The following ADAMTS18 variants were observed in gnomAD, a reference collection of about 807,000 sequenced individuals.
ADAMTS18 encodes ADAM metallopeptidase with thrombospondin type 1 motif 18, also known as A disintegrin and metalloproteinase with thrombospondin motifs 18.
Under a neutral mutation model 165.9 loss-of-function variants are expected in ADAMTS18, and 157 were observed. That is an observed-to-expected ratio of 0.95 (90% CI 0.83 to 1.08). The LOEUF (loss-of-function observed/expected upper bound fraction) is 1.08, where lower values mean the gene tolerates loss of function less well. Among genes scored for constraint, ADAMTS18 ranks in the 50% least tolerant of loss-of-function variants. The pLI, the probability that ADAMTS18 is intolerant of heterozygous loss-of-function variation, is 0.00. For synonymous variants in ADAMTS18, 782 were observed against 578.2 expected (o/e 1.35, Z -5.06); for missense variants, 2,040 against 1,534.0 (o/e 1.33, Z -5.51).
intron 3 of ADAMTS18, among the ~76,000 whole-genome samples, chr16:77,369,741 C>T (rs76900818): frequency 0.011 from 1,701 of 152,284 alleles, 42 homozygotes; most frequent in African/African-American, 0.039. Flanking sequence ...CAAACTCATT[C>T]TACATGGCCT....
At chr16:77,301,671 C>A (rs2144594994) in intron 16 of ADAMTS18, among the ~76,000 whole-genome samples, 1 of 152,282 alleles carries the variant, frequency 6.6e-6, no homozygotes. Context: ...TGTTCAAGGC[C>A]CTTCATTTCA....
At chr16:77,356,367 G>C (rs573870768) in intron 8 of ADAMTS18, among the ~76,000 whole-genome samples, 3 of 152,292 alleles carry the variant, frequency 2.0e-5, no homozygotes, top group African/African-American at 7.2e-5. Flanking sequence ...TAAAATTTAG[G>C]TATAAGCTAA....
chr16:77,430,910 GCATTGAAATACAGTTTTCC>G (rs2057730717), intron 3 of ADAMTS18, among the ~76,000 whole-genome samples: 2 of 152,112 alleles, frequency 1.3e-5, no homozygotes, highest in South Asian at 4.2e-4. Flanking sequence ...ATGCAATTTC[GCATTGAAATACAGTTTTCC>G]CATTTCAAAG....
chr16:77,343,676 G>C (rs912016581), intron 10 of ADAMTS18, among the ~76,000 whole-genome samples: 9 of 152,168 alleles, frequency 5.9e-5, no homozygotes, highest in Non-Finnish European at 1.5e-5. Flanking sequence ...ATTTGCCACT[G>C]ATGGATATTG....
intron 3 of ADAMTS18, chr16:77,379,006 C>G (rs2056993630): frequency 6.6e-6 from 1 of 152,064 alleles, no homozygotes. Flanking sequence ...TGATGAAATT[C>G]TTACAGAAGT....
At chr16:77,314,753 C>CATATATATATATATATATATATGT (rs2055852255) in intron 16 of ADAMTS18, among the ~76,000 whole-genome samples, 1 of 36,902 alleles carries the variant, frequency 2.7e-5, no homozygotes, top group African/African-American at 1.1e-4. Context: ...TCTCAGGTTT[C>CATATATATATATATATATATATGT]ATATATATAT....
intron 12 of ADAMTS18, among the ~76,000 whole-genome samples, chr16:77,330,026 C>T (rs2056162029): frequency 6.6e-6 from 1 of 152,008 alleles, no homozygotes; most frequent in South Asian, 2.1e-4. Context: ...TATACAGATT[C>T]CTGAGGACCT....
Position 77,297,378 on chromosome 16 carries a change from T to C in ADAMTS18, c.2712A>G (p.Gln904=). Residue 904 remains glutamine, a synonymous_variant, in exon 18 of 23, where the codon CAA becomes CAG. Coordinates refer to ENST00000282849, the MANE Select transcript of ADAMTS18 (RefSeq NM_199355.4). The stretch of plus-strand genomic sequence containing the variant: ...AGAATGAGGAATTGACTTGAGTATT[T>C]TGATCTCGCAAGCAAATGGCCTTTA... ...INVKAICLRD[Q]NTQVNSSFCS... is the part of the protein sequence containing the mutation. The C allele has an allele frequency of 1.2e-6, 2 of 1,613,784 alleles. No individual in the cohort carries two copies. Among genetic ancestry groups the C allele is most frequent in the South Asian group, 2.2e-5 (2 of 91,072 alleles).
At chr16:77,301,864 C>T (rs2055589504) in intron 16 of ADAMTS18, among the ~76,000 whole-genome samples, 1 of 152,118 alleles carries the variant, frequency 6.6e-6, no homozygotes, top group African/African-American at 2.4e-5. Context: ...TGTGTTCCCC[C>T]ATCCAAAACC....
chr16:77,364,144 T>A, intron 5 of ADAMTS18, 44 bp downstream of exon 5: 1 of 1,611,802 alleles, frequency 6.2e-7, no homozygotes. Flanking sequence ...CCATGACATT[T>A]ATTTTCTTTG....
chr16:77,378,651 G>T (rs919934479), intron 3 of ADAMTS18, among the ~76,000 whole-genome samples: 1 of 152,088 alleles, frequency 6.6e-6, no homozygotes, highest in Non-Finnish European at 1.5e-5. Context: ...GGTGACGGAG[G>T]TTGCAGTGAG....
chr16:77,323,737 G>C (rs1486987003), intron 13 of ADAMTS18, among the ~76,000 whole-genome samples: 2 of 152,110 alleles, frequency 1.3e-5, no homozygotes, highest in African/African-American at 4.8e-5. Flanking sequence ...GTCATGGTCA[G>C]TCTCCTCTGA....
At chr16:77,353,958 T>C in intron 9 of ADAMTS18, 72 bp from the exon 10 acceptor site, 1 of 1,573,030 alleles carries the variant, frequency 6.4e-7, no homozygotes, top group South Asian at 1.1e-5. Flanking sequence ...AACACACTTC[T>C]GAATGCATTC....
intron 10 of ADAMTS18, among the ~76,000 whole-genome samples, chr16:77,348,765 T>A (rs2056513393): frequency 6.6e-6 from 1 of 152,122 alleles, no homozygotes; most frequent in Admixed American, 6.6e-5. Context: ...TTAAAATGTA[T>A]CACAAGTTTA....
intron 22 of ADAMTS18, among the ~76,000 whole-genome samples, chr16:77,286,081 T>C (rs556491706): frequency 1.5e-4 from 23 of 152,264 alleles, no homozygotes; most frequent in African/African-American, 5.3e-4. Flanking sequence ...TTTTCATGTA[T>C]TGCTTAACCA....
chr16:77,338,601 T>C (rs545555917), intron 11 of ADAMTS18, among the ~76,000 whole-genome samples: 10 of 152,174 alleles, frequency 6.6e-5, no homozygotes, highest in African/African-American at 2.4e-4. Context: ...TAGGCCATTA[T>C]CTTTTTATAG....
chr16:77,344,338 T>C (rs1171956401), intron 10 of ADAMTS18, among the ~76,000 whole-genome samples: 1 of 151,908 alleles, frequency 6.6e-6, no homozygotes, highest in African/African-American at 2.4e-5. Context: ...TAAGCTAGAA[T>C]ATATACATAT....
At chr16:77,351,908 A>G (rs1567505344) in intron 10 of ADAMTS18, among the ~76,000 whole-genome samples, 3 of 151,890 alleles carry the variant, frequency 2.0e-5, no homozygotes, top group African/African-American at 7.3e-5. Flanking sequence ...TAACTTTTTT[A>G]TTTTTTGTAA....
chr16:77,402,740 C>T (rs1203013279), intron 3 of ADAMTS18, among the ~76,000 whole-genome samples: 1 of 152,164 alleles, frequency 6.6e-6, no homozygotes, highest in Non-Finnish European at 1.5e-5. Context: ...GCACTGTTGG[C>T]CTCCAAAAAG....
Sources: allele counts gnomAD v4.1 joint callset (sites outside exome capture counted in the v4.1 genomes callset), GRCh38; gene constraint gnomAD v4.1.1; transcripts MANE v1.5; gene names NCBI Gene and HGNC (gene_info 2026-07-23, HGNC 2026-07-21).